PCDH7: variants seen among roughly 807,000 people sequenced by gnomAD.
PCDH7 encodes protocadherin-7.
Under a neutral mutation model 58.9 loss-of-function variants are expected in PCDH7, and 17 were observed. The ratio of observed to expected loss-of-function variants is 0.29; its 90% CI spans 0.20 to 0.43. The LOEUF (loss-of-function observed/expected upper bound fraction) is 0.43. Ranked by LOEUF, PCDH7 falls within the 20% of genes least tolerant of loss-of-function variation. The probability of loss-of-function intolerance (pLI) is 1.00; values close to 1 mark genes in which losing one functional copy is unlikely to be tolerated. For missense variants in PCDH7, 1,274 were observed against 1,441.0 expected, an observed-to-expected ratio of 0.88 and a Z score of 1.88; for synonymous variants, 664 against 616.4, an observed-to-expected ratio of 1.08 and a Z score of -1.14.
intron 3 of PCDH7, among the ~76,000 whole-genome samples, chr4:31,140,201 C>A (rs1486252684): frequency 6.6e-6 from 1 of 152,116 alleles, no homozygotes; most frequent in African/African-American, 2.4e-5. Context: ...TATAGAATTA[C>A]AAGCTGTTTA....
intron 1 of PCDH7, among the ~76,000 whole-genome samples, chr4:30,865,928 C>A (rs1734827140): frequency 6.6e-6 from 1 of 152,002 alleles, no homozygotes; most frequent in Non-Finnish European, 1.5e-5. Context: ...GCATTCTTAT[C>A]CTCTTGTTCG....
chr4:30,943,898 T>C (rs1318392896), intron 2 of PCDH7, among the ~76,000 whole-genome samples: 1 of 152,094 alleles, frequency 6.6e-6, no homozygotes, highest in African/African-American at 2.4e-5. Flanking sequence ...ACCTCTTCCA[T>C]AGCTCTTTGC....
intron 1 of PCDH7, chr4:30,725,103 T>A (rs1211355449): frequency 1.0e-6 from 1 of 1,000,566 alleles, no homozygotes; most frequent in Non-Finnish European, 1.2e-6. Context: ...TTCATGCAGA[T>A]GTAGTACTAA....
intron 3 of PCDH7, among the ~76,000 whole-genome samples, chr4:31,094,231 A>G (rs1713646701): frequency 6.6e-6 from 1 of 152,172 alleles, no homozygotes; most frequent in Admixed American, 6.6e-5. Flanking sequence ...GAAAACCAAT[A>G]GCATCTTCAG....
rs112095540 is a variant in PCDH7 at position 31,100,905 on chromosome 4, G to T, written c.*8-41568G>T. Reference sequence around the variant, plus strand: ...CTCTGGAGAAAAATTGTTAATTTCTGCCTAGATCATTCTCTCTGCTGATTC... The same window carrying T: ...CTCTGGAGAAAAATTGTTAATTTCTTCCTAGATCATTCTCTCTGCTGATTC... On this transcript the variant is annotated intron_variant, in intron 3 of 3. Transcript: ENST00000509759. Among the ~76,000 whole-genome samples, 63 of 152,248 alleles carry T rather than the reference G, an allele frequency of 4.1e-4. 1 individual carries two copies. The highest frequency in any genetic ancestry group is 9.4e-4 in the African/African-American group (39 of 41,544).
chr4:31,055,860 A>G (rs73218807), intron 3 of PCDH7, among the ~76,000 whole-genome samples: 5,908 of 152,236 alleles, frequency 0.039, 169 homozygotes, highest in Middle Eastern at 0.072. Flanking sequence ...TACAGGCCAT[A>G]TAAAGGCACC....
At chr4:30,907,400 A>G (rs1298487902) in intron 1 of PCDH7, among the ~76,000 whole-genome samples, 19 of 152,194 alleles carry the variant, frequency 1.2e-4, no homozygotes, top group Admixed American at 1.2e-3. Flanking sequence ...AACTTAAACA[A>G]ATTTACAAGA....
At chr4:31,070,214 T>C (rs1323576101) in intron 3 of PCDH7, among the ~76,000 whole-genome samples, 2 of 152,040 alleles carry the variant, frequency 1.3e-5, no homozygotes. Context: ...CCTTAGATAT[T>C]CTCAAATGTT....
rs1250990524 is a variant in PCDH7 at position 30,722,521 on chromosome 4, C to G, written c.1099C>G (p.Leu367Val). 2.5e-6 allele frequency: 4 copies of G among 1,610,738 alleles called. No individual in the cohort carries two copies. The highest frequency in any genetic ancestry group is 3.4e-6 in the Non-Finnish European group (4 of 1,179,188). ...GCGCCTTGACGAGACGTCCGGCTGGCTCAGCGTCCTGCACCGGATCGACCG... is the reference window on the plus strand; with the variant it reads ...GCGCCTTGACGAGACGTCCGGCTGGGTCAGCGTCCTGCACCGGATCGACCG... Residue 367 changes from leucine to valine, a missense_variant, in exon 1 of 2, where the codon CTC (leucine) becomes GTC (valine). Transcript: ENST00000361762. This position sits in a 1 kb window ranked among gnomAD's most constrained non-coding sequence, Gnocchi z 7.6.
chr4:31,084,912 C>T (rs75379659), intron 3 of PCDH7, among the ~76,000 whole-genome samples: 4,234 of 152,094 alleles, frequency 0.028, 215 homozygotes, highest in African/African-American at 0.098. Flanking sequence ...GAAGGATCTG[C>T]CCCCGTGGTC....
At chr4:31,137,566 A>G (rs2109343667) in intron 3 of PCDH7, among the ~76,000 whole-genome samples, 1 of 152,384 alleles carries the variant, frequency 6.6e-6, no homozygotes, top group Middle Eastern at 3.4e-3. Context: ...CCTGGATGAC[A>G]GAGCGAGACC....
At chr4:30,754,371 C>A (rs1577669417) in intron 1 of PCDH7, among the ~76,000 whole-genome samples, 1 of 152,228 alleles carries the variant, frequency 6.6e-6, no homozygotes, top group African/African-American at 2.4e-5. Flanking sequence ...GGGACATGAG[C>A]AGAAGTGTAT....
At chr4:30,839,559 TGAGA>T (rs1013363102) in intron 1 of PCDH7, among the ~76,000 whole-genome samples, 53 of 152,232 alleles carry the variant, frequency 3.5e-4, no homozygotes, top group African/African-American at 1.3e-3. Flanking sequence ...GAACCTGTGA[TGAGA>T]GAAATGTAAC....
At chr4:30,747,683 C>T (rs1453204711) in intron 1 of PCDH7, among the ~76,000 whole-genome samples, 1 of 152,194 alleles carries the variant, frequency 6.6e-6, no homozygotes, top group Non-Finnish European at 1.5e-5. Context: ...ATTTTATTTT[C>T]AGTTTATTTG....
intron 1 of PCDH7, among the ~76,000 whole-genome samples, chr4:30,757,445 CA>C (rs1719452471): frequency 6.6e-6 from 1 of 152,174 alleles, no homozygotes; most frequent in Non-Finnish European, 1.5e-5. Context: ...ACTTTCCTCG[CA>C]GGCACTCTGC....
chr4:30,786,454 C>G (rs549657025), intron 1 of PCDH7, among the ~76,000 whole-genome samples: 61 of 152,152 alleles, frequency 4.0e-4, no homozygotes, highest in Non-Finnish European at 1.5e-4. Context: ...ACACTAAATG[C>G]AGTGTTTCTT....
At chr4:30,883,012 G>T (rs1195548222) in intron 1 of PCDH7, among the ~76,000 whole-genome samples, 1 of 152,092 alleles carries the variant, frequency 6.6e-6, no homozygotes, top group Non-Finnish European at 1.5e-5. Context: ...TACATATTTT[G>T]CCTTCTTCTC....
chr4:30,789,478 G>A (rs1196156413), intron 1 of PCDH7, among the ~76,000 whole-genome samples: 5 of 152,148 alleles, frequency 3.3e-5, no homozygotes, highest in African/African-American at 9.7e-5. Flanking sequence ...TTAATTTCAC[G>A]ATTAATGTTT....
intron 3 of PCDH7, among the ~76,000 whole-genome samples, chr4:31,133,160 TG>T (rs1719193533): frequency 6.6e-6 from 1 of 152,162 alleles, no homozygotes; most frequent in Non-Finnish European, 1.5e-5. Flanking sequence ...TCTAACTCAA[TG>T]GGGAAAAAAG....
Sources: gnomAD v4.1 joint callset for allele counts (sites outside exome capture counted in the v4.1 genomes callset) on GRCh38, gnomAD v4.1.1 for gene constraint, Gnocchi (gnomAD v3.1) non-coding constraint, MANE v1.5 for transcripts, NCBI Gene and HGNC (gene_info 2026-07-23, HGNC 2026-07-21) for gene names.